SYT16: variants seen among roughly 807,000 people sequenced by gnomAD.
SYT16 encodes synaptotagmin 16.
Under a neutral mutation model 61.4 loss-of-function variants are expected in SYT16, and 42 were observed. The observed-to-expected ratio is 0.68, with a 90% CI of 0.53 to 0.89. The LOEUF (loss-of-function observed/expected upper bound fraction) is 0.89. SYT16 is among the 40% of genes least tolerant of loss of function. The pLI is 0.00. For missense variants in SYT16, 804 were observed against 807.3 expected, an observed-to-expected ratio of 1.00 and a Z score of 0.05; for synonymous variants, 314 against 302.3, an observed-to-expected ratio of 1.04 and a Z score of -0.40.
chr14:61,900,158 C>CT (rs5809128), intron 1 of SYT16, among the ~76,000 whole-genome samples: 3,212 of 106,682 alleles, frequency 0.03, 53 homozygotes, highest in Admixed American at 0.038. Flanking sequence ...TAAATTTCTG[C>CT]TTTTTTTTTT....
At chr14:61,942,868 C>T (rs771932331) in intron 1 of SYT16, among the ~76,000 whole-genome samples, 4 of 151,826 alleles carry the variant, frequency 2.6e-5, no homozygotes, top group Non-Finnish European at 5.9e-5. Context: ...ACAACATTCT[C>T]ATAACAAAGA....
chr14:62,012,018 C>G (rs2053488905), intron 3 of SYT16, among the ~76,000 whole-genome samples: 1 of 124,468 alleles, frequency 8.0e-6, no homozygotes, highest in Non-Finnish European at 1.8e-5. Flanking sequence ...AAAACAACCT[C>G]TCATGCACCT....
At chr14:61,870,811 A>G (rs78468305) in intron 1 of SYT16, among the ~76,000 whole-genome samples, 10,895 of 151,930 alleles carry the variant, frequency 0.072, 502 homozygotes, top group Non-Finnish European at 0.1. Flanking sequence ...TTTATCTTCC[A>G]TTTCTGTTCT....
chr14:61,968,982 T>C (rs2051431544), intron 1 of SYT16, among the ~76,000 whole-genome samples: 1 of 152,216 alleles, frequency 6.6e-6, no homozygotes, highest in Non-Finnish European at 1.5e-5. Context: ...TATATTGGCT[T>C]GCCACTAGGT....
At chr14:61,970,672 G>A (rs2051508306) in intron 2 of SYT16, among the ~76,000 whole-genome samples, 1 of 152,176 alleles carries the variant, frequency 6.6e-6, no homozygotes, top group Non-Finnish European at 1.5e-5. Context: ...TATGGCAATG[G>A]TCACTTTTCC....
At chr14:61,892,146 C>T (rs889959704) in intron 1 of SYT16, among the ~76,000 whole-genome samples, 2 of 151,990 alleles carry the variant, frequency 1.3e-5, no homozygotes, top group African/African-American at 4.8e-5. Flanking sequence ...CATCCTCCCA[C>T]CATAAACCTC....
At chr14:61,886,862 C>G (rs57214) in intron 1 of SYT16, among the ~76,000 whole-genome samples, 1 of 141,978 alleles carries the variant, frequency 7.0e-6, no homozygotes, top group Admixed American at 6.9e-5. Context: ...AGGGGAGTTA[C>G]GCTTATTTTT....
chr14:62,090,036 G>A (rs528086472), intron 7 of SYT16, among the ~76,000 whole-genome samples: 1 of 152,282 alleles, frequency 6.6e-6, no homozygotes, highest in Admixed American at 6.5e-5. Context: ...TAACCTCTCT[G>A]AATTACATTT....
intron 7 of SYT16, among the ~76,000 whole-genome samples, chr14:62,095,596 T>TAC (rs199865135): frequency 1.3e-5 from 2 of 151,412 alleles, no homozygotes; most frequent in Non-Finnish European, 1.5e-5. Flanking sequence ...AGAAACTATA[T>TAC]ACACACACAC....
chr14:62,086,189 A>T (rs1160234734), intron 7 of SYT16, among the ~76,000 whole-genome samples: 3 of 152,170 alleles, frequency 2.0e-5, no homozygotes, highest in Admixed American at 6.5e-5. Flanking sequence ...AATAGTTGTG[A>T]GTTACTGGCT....
chr14:61,838,062 G>A (rs1331747993), intron 1 of SYT16, among the ~76,000 whole-genome samples: 1 of 152,228 alleles, frequency 6.6e-6, no homozygotes, highest in Non-Finnish European at 1.5e-5. Flanking sequence ...ATAGGTCAAT[G>A]TTATGTCTCA....
intron 3 of SYT16, among the ~76,000 whole-genome samples, chr14:62,016,595 C>T (rs938207682): frequency 1.3e-5 from 2 of 151,056 alleles, no homozygotes; most frequent in Non-Finnish European, 2.9e-5. Flanking sequence ...TGCCTGTAGT[C>T]CCAACTGCTC....
chr14:62,011,870 TATATACACACACAC>T (rs2053466535), intron 3 of SYT16, among the ~76,000 whole-genome samples: 1 of 124,036 alleles, frequency 8.1e-6, no homozygotes, highest in South Asian at 2.6e-4. Context: ...GGGAACACTA[TATATACACACACAC>T]ACACACACAC....
At chr14:62,051,691 C>T (rs969003594) in intron 3 of SYT16, among the ~76,000 whole-genome samples, 1 of 152,170 alleles carries the variant, frequency 6.6e-6, no homozygotes, top group Non-Finnish European at 1.5e-5. Flanking sequence ...TAAAGGTTCA[C>T]TGTATGTATA....
At chr14:61,942,254 T>A (rs754004067) in intron 1 of SYT16, among the ~76,000 whole-genome samples, 14 of 152,234 alleles carry the variant, frequency 9.2e-5, no homozygotes, top group Non-Finnish European at 1.6e-4. Flanking sequence ...AAGTCTTGTT[T>A]TGTGTGGAAT....
intron 1 of SYT16, among the ~76,000 whole-genome samples, chr14:61,881,087 C>T (rs557162717): frequency 6.6e-5 from 10 of 152,228 alleles, no homozygotes; most frequent in Admixed American, 2.6e-4. Flanking sequence ...CCATCACTAC[C>T]TCCCCAAAGA....
At chr14:62,021,212 A>G (rs980794799) in intron 3 of SYT16, among the ~76,000 whole-genome samples, 1 of 152,206 alleles carries the variant, frequency 6.6e-6, no homozygotes, top group Non-Finnish European at 1.5e-5. Flanking sequence ...AGGCAAGAGT[A>G]AAATCCAAAA....
chr14:62,031,160 G>T (rs576344687), intron 3 of SYT16, among the ~76,000 whole-genome samples: 1 of 152,274 alleles, frequency 6.6e-6, no homozygotes, highest in South Asian at 2.1e-4. Flanking sequence ...TATGGCTTGT[G>T]TTAAAAAATG....
chr14:61,832,424 C>G, intron 1 of SYT16: 1 of 458,834 alleles, frequency 2.2e-6, no homozygotes, highest in South Asian at 1.7e-5. Flanking sequence ...CCCGCGACCC[C>G]AGTAGTTCTT....
Sources: allele counts gnomAD v4.1 joint callset (sites outside exome capture counted in the v4.1 genomes callset), GRCh38; gene constraint gnomAD v4.1.1; transcripts MANE v1.5; gene names NCBI Gene and HGNC (gene_info 2026-07-23, HGNC 2026-07-21).